SPIC: variants seen among roughly 807,000 people sequenced by gnomAD.
The protein encoded by SPIC is transcription factor Spi-C.
Under a neutral mutation model 16.7 loss-of-function variants are expected in SPIC, and 9 were observed. The ratio of observed to expected loss-of-function variants is 0.54; its 90% confidence interval spans 0.33 to 0.94. SPIC has a LOEUF of 0.94. SPIC is among the 40% of genes least tolerant of loss of function. The pLI, the probability that SPIC is intolerant of heterozygous loss-of-function variation, is 0.03. For synonymous variants in SPIC, 97 were observed against 102.9 expected (o/e 0.94, Z 0.35); for missense variants, 241 against 285.8 (o/e 0.84, Z 1.13).
chr12:101,483,929 C>A (rs2121262897), intron 5 of SPIC, among the ~76,000 whole-genome samples: 1 of 152,030 alleles, frequency 6.6e-6, no homozygotes, highest in Middle Eastern at 3.4e-3. Flanking sequence ...CCCCCCCGAA[C>A]CAAAATAGGT....
chr12:101,485,896 G>A (rs1565833183), intron 5 of SPIC, among the ~76,000 whole-genome samples: 1 of 152,152 alleles, frequency 6.6e-6, no homozygotes, highest in Non-Finnish European at 1.5e-5. Context: ...CTGGGTTCGA[G>A]GGAGAATCCT....
chr12:101,479,171 A>C (rs1565830992), intron 3 of SPIC, among the ~76,000 whole-genome samples: 1 of 92,368 alleles, frequency 1.1e-5, no homozygotes, highest in Non-Finnish European at 2.1e-5. Flanking sequence ...AGAAAGAAAG[A>C]AAAAGAAAGA....
In SPIC at chr12:101,479,672, T is replaced by C. The variant is rs765566866; in HGVS notation, c.188T>C (p.Val63Ala). The C allele has an allele frequency of 1.9e-6, 3 of 1,613,376 alleles. No individual in the cohort carries two copies. Among genetic ancestry groups the C allele is most frequent in the South Asian group, 1.1e-5 (1 of 91,036 alleles). The change falls in exon 4 of 6, where the codon GTC becomes GCC. Residue 63 changes from valine to alanine, a missense_variant. Transcript: ENST00000551346. ...GGAGTGTTGCCTACAGAGGAGCCTG[T>C]CTATAATTGGAGAACGGTAATTGTA... is the stretch of plus-strand genomic sequence containing the variant. ...CYGVLPTEEPVYNWRTVINSA... is the reference protein window; with the variant it reads ...CYGVLPTEEPAYNWRTVINSA...
chr12:101,477,302 T>G (rs1462687103), intron 2 of SPIC, among the ~76,000 whole-genome samples: 3 of 152,182 alleles, frequency 2.0e-5, no homozygotes, highest in African/African-American at 7.2e-5. Context: ...TCAGGGTACA[T>G]TTGGTGATGT....
At chr12:101,478,114 C>T (rs570237291) in intron 3 of SPIC, among the ~76,000 whole-genome samples, 19 of 149,126 alleles carry the variant, frequency 1.3e-4, no homozygotes, top group Non-Finnish European at 2.4e-4. Flanking sequence ...TCACTGCAAG[C>T]TCCTCCTCCC....
intron 5 of SPIC, among the ~76,000 whole-genome samples, chr12:101,483,240 C>CTT (rs934059109): frequency 1.3e-5 from 2 of 151,728 alleles, no homozygotes; most frequent in African/African-American, 4.8e-5. Context: ...TTATTTTTTA[C>CTT]TTTTTGAGCT....
intron 4 of SPIC, among the ~76,000 whole-genome samples, chr12:101,481,745 C>A (rs1242682593): frequency 6.6e-6 from 1 of 150,572 alleles, no homozygotes; most frequent in Non-Finnish European, 1.5e-5. Flanking sequence ...AACACCTGAC[C>A]TCAGGTGATC....
chr12:101,482,715 C>T (rs568663677), intron 4 of SPIC, 77 bp from the exon 5 acceptor site: 2 of 1,389,824 alleles, frequency 1.4e-6, no homozygotes, highest in East Asian at 2.3e-5. Context: ...TCTTTTTCCC[C>T]TAACTTTTGA....
intron 5 of SPIC, among the ~76,000 whole-genome samples, chr12:101,485,424 C>G (rs1391946383): frequency 2.6e-5 from 4 of 152,300 alleles, no homozygotes; most frequent in South Asian, 2.1e-4. Flanking sequence ...TCTAGTGGCA[C>G]TATTTATTCC....
intron 3 of SPIC, 83 bp downstream of exon 3, chr12:101,477,734 T>A (rs1003288111): frequency 1.6e-6 from 2 of 1,241,324 alleles, no homozygotes; most frequent in Non-Finnish European, 2.3e-6. Flanking sequence ...AATGATCAGC[T>A]GACCAGGTGC....
intron 1 of SPIC, among the ~76,000 whole-genome samples, chr12:101,476,436 C>T (rs1872959327): frequency 6.6e-6 from 1 of 151,888 alleles, no homozygotes; most frequent in Non-Finnish European, 1.5e-5. Flanking sequence ...AATATAACAC[C>T]AAAGAAAGGT....
Position 101,486,477 on chromosome 12 carries a change from C to T in SPIC, c.453C>T (p.Ala151=). ...QFVSKNKEKL[A]ELWGKRKGNR... ...TATCAAAAAACAAAGAAAAACTTGC[C>T]GAGCTTTGGGGGAAAAGAAAAGGCA... is the stretch of plus-strand genomic sequence containing the variant. The change falls in exon 6 of 6, where the codon GCC becomes GCT. Residue 151 remains alanine, a synonymous_variant. Coordinates refer to ENST00000551346, the MANE Select transcript of SPIC (RefSeq NM_152323.3). 2 of 1,613,972 alleles carry T rather than the reference C, an allele frequency of 1.2e-6. No homozygotes were observed. The highest frequency in any genetic ancestry group is 8.5e-7 in the Non-Finnish European group (1 of 1,180,004).
chr12:101,479,448 C>A, intron 3 of SPIC, 134 bp from the exon 4 acceptor site: 1 of 619,452 alleles, frequency 1.6e-6, no homozygotes, highest in South Asian at 1.9e-5. Flanking sequence ...ATAAACACCA[C>A]AGGAGAAGTG....
chr12:101,479,296 G>GAA (rs1295174377), intron 3 of SPIC, among the ~76,000 whole-genome samples: 524 of 41,586 alleles, frequency 0.013, 41 homozygotes, highest in South Asian at 0.034. Context: ...AAGAAAGAAA[G>GAA]AAAGAAAGAA....
intron 5 of SPIC, among the ~76,000 whole-genome samples, chr12:101,485,841 T>C (rs533489031): frequency 5.8e-4 from 88 of 152,332 alleles, no homozygotes; most frequent in African/African-American, 2.1e-3. Flanking sequence ...TGGAGTGCAG[T>C]GGCGCGATCT....
chr12:101,486,704 A>G lies in SPIC; in HGVS notation c.680A>G (p.Asn227Ser). Residue 227 changes from asparagine to serine, a missense_variant, in exon 6 of 6, where the codon AAT becomes AGT. Asn to Ser is a conservative substitution (Grantham distance 46, BLOSUM62 1). Coordinates refer to ENST00000551346, the MANE Select transcript of SPIC (RefSeq NM_152323.3). ...VQPDQEYLSL[N>S]NWNANYNYTY... The stretch of plus-strand genomic sequence containing the variant: ...CCTGATCAAGAATATCTCAGTTTAA[A>G]TAACTGGAATGCAAATTATAATTAT... The G allele has an allele frequency of 1.2e-6, 2 of 1,607,590 alleles. No homozygotes were observed. Among genetic ancestry groups the G allele is most frequent in the Non-Finnish European group, 8.5e-7 (1 of 1,175,990 alleles).
At chr12:101,479,548 A>T in intron 3 of SPIC, 34 bp from the exon 4 acceptor site, 1 of 1,551,410 alleles carries the variant, frequency 6.4e-7, no homozygotes, top group Non-Finnish European at 8.9e-7. Context: ...ACAAACTTTG[A>T]CTTTTTTAGT....
rs969132091 is a variant in SPIC, at chr12:101,485,655, T to C, written c.320-689T>C. ...TATTTTGCATTTTACAAAGTGCATT[T>C]ACATCCCTTAACTCATTTGAATAAA... is the stretch of plus-strand genomic sequence containing the variant. On this transcript the variant is annotated intron_variant, in intron 5 of 5. Transcript: ENST00000551346. 4.6e-5 allele frequency among the ~76,000 whole-genome samples: 7 copies of C among 152,238 alleles called. No homozygotes were observed. The East Asian group carries it at 1.3e-3, about 29-fold the overall frequency.
intron 5 of SPIC, among the ~76,000 whole-genome samples, chr12:101,484,979 G>GAATGA (rs1873324133): frequency 6.6e-6 from 1 of 152,218 alleles, no homozygotes; most frequent in Admixed American, 6.5e-5. Flanking sequence ...ATGAGAGACA[G>GAATGA]AGGAGTTTTG....
Sources: allele counts gnomAD v4.1 joint callset (sites outside exome capture counted in the v4.1 genomes callset), GRCh38; gene constraint gnomAD v4.1.1; transcripts MANE v1.5; gene names NCBI Gene and HGNC (gene_info 2026-07-23, HGNC 2026-07-21).